CEP170: variants seen among roughly 807,000 people sequenced by gnomAD.
CEP170 encodes the protein centrosomal protein of 170 kDa.
A neutral mutation model predicts 151.9 loss-of-function variants in CEP170; 21 were observed. That is an observed-to-expected ratio of 0.14 (90% CI 0.10 to 0.20). The LOEUF is 0.20. CEP170 is among the 10% of genes least tolerant of loss of function. CEP170 has a pLI of 1.00. For missense variants in CEP170, 964 were observed against 1,892.9 expected (o/e 0.51, Z 9.11); for synonymous variants, 356 against 648.8 (o/e 0.55, Z 6.86).
At chr1:243,201,704 C>A (rs2061046515) in intron 4 of CEP170, among the ~76,000 whole-genome samples, 1 of 152,020 alleles carries the variant, frequency 6.6e-6, no homozygotes, top group South Asian at 2.1e-4. Context: ...AGTATTTATT[C>A]TAGGTTTCTA....
intron 12 of CEP170, among the ~76,000 whole-genome samples, chr1:243,168,955 C>T (rs899717655): frequency 2.0e-5 from 3 of 150,232 alleles, no homozygotes; most frequent in Non-Finnish European, 3.0e-5. Flanking sequence ...TGAATGAAAT[C>T]GTTTGGACCT....
At chr1:243,170,902 C>A (rs374446425) in intron 11 of CEP170, among the ~76,000 whole-genome samples, 13 of 152,320 alleles carry the variant, frequency 8.5e-5, no homozygotes, top group African/African-American at 3.1e-4. Context: ...CTGTTACCTG[C>A]CCACATTTCT....
At chr1:243,254,660 G>A (rs1178786991) in intron 1 of CEP170, among the ~76,000 whole-genome samples, 1 of 152,172 alleles carries the variant, frequency 6.6e-6, no homozygotes, top group Non-Finnish European at 1.5e-5. Context: ...CTCGCAAACT[G>A]CTACGGCGGA....
intron 11 of CEP170, among the ~76,000 whole-genome samples, chr1:243,170,772 T>C (rs1467020231): frequency 6.6e-6 from 1 of 152,148 alleles, no homozygotes; most frequent in African/African-American, 2.4e-5. Flanking sequence ...CCAGCCTGGG[T>C]GACAGAGGGA....
intron 1 of CEP170, among the ~76,000 whole-genome samples, chr1:243,227,070 AT>A (rs1412060138): frequency 5.9e-5 from 9 of 152,204 alleles, no homozygotes; most frequent in Non-Finnish European, 8.8e-5. Context: ...GAAAATATTG[AT>A]TTCCTGAGTA....
chr1:243,213,778 A>G (rs1047680136), intron 3 of CEP170, among the ~76,000 whole-genome samples: 2 of 152,162 alleles, frequency 1.3e-5, no homozygotes, highest in African/African-American at 4.8e-5. Context: ...GGCATGGACC[A>G]CATCTCATTC....
At chr1:243,141,232 TAC>T (rs1237663862) in intron 15 of CEP170, among the ~76,000 whole-genome samples, 3 of 151,768 alleles carry the variant, frequency 2.0e-5, no homozygotes, top group Non-Finnish European at 4.4e-5. Flanking sequence ...GAATAATCAA[TAC>T]CAGGGGCTGG....
At chr1:243,174,259 C>A (rs879805691) in intron 10 of CEP170, among the ~76,000 whole-genome samples, 5 of 151,148 alleles carry the variant, frequency 3.3e-5, no homozygotes, top group Non-Finnish European at 7.4e-5. Flanking sequence ...TATTAACATT[C>A]TATTCTGCTA....
chr1:243,247,403 G>GAGTAC (rs1252724599), intron 1 of CEP170, among the ~76,000 whole-genome samples: 1 of 152,178 alleles, frequency 6.6e-6, no homozygotes, highest in Non-Finnish European at 1.5e-5. Context: ...GCCCAGGCTG[G>GAGTAC]AGTACAGTGA....
intron 3 of CEP170, among the ~76,000 whole-genome samples, chr1:243,217,114 A>C (rs2062369030): frequency 1.3e-5 from 2 of 152,210 alleles, no homozygotes; most frequent in South Asian, 4.1e-4. Context: ...TACTATACTG[A>C]ATATTGTATG....
intron 1 of CEP170, among the ~76,000 whole-genome samples, chr1:243,237,037 G>A (rs1271577946): frequency 6.6e-6 from 1 of 152,152 alleles, no homozygotes; most frequent in African/African-American, 2.4e-5. Context: ...TGCATTATCA[G>A]TATAACATAT....
Position 243,140,025 on chromosome 1 carries a change from T to C in CEP170, c.4142A>G (p.Asn1381Ser), listed in dbSNP as rs755015868. The change falls in exon 16 of 20, where the codon AAC becomes AGC. Residue 1381 changes from asparagine to serine, a missense_variant. Physicochemically the swap from Asn to Ser is conservative, Grantham distance 46 (BLOSUM62 1). Coordinates refer to ENST00000366542, the MANE Select transcript of CEP170 (RefSeq NM_014812.3). ...LVHSKTPEGNNGRSGDPRPQA... is the reference protein window; with the variant it reads ...LVHSKTPEGNSGRSGDPRPQA... ...AGGTCTTGGATCACCAGATCGACCG[T>C]TGTTTCCTTCTGGTGTTTTGGAATG... 3.1e-6 allele frequency: 5 copies of C among 1,613,866 alleles called. No individual in the cohort carries two copies. Among genetic ancestry groups the C allele is most frequent in the Non-Finnish European group, 4.2e-6 (5 of 1,179,884 alleles).
At chr1:243,231,193 T>TCATC (rs1558660590) in intron 1 of CEP170, among the ~76,000 whole-genome samples, 22 of 82,818 alleles carry the variant, frequency 2.7e-4, no homozygotes, top group South Asian at 1.9e-3. Flanking sequence ...TCATCATCAT[T>TCATC]ATTATTATTA....
intron 1 of CEP170, among the ~76,000 whole-genome samples, chr1:243,253,827 T>C (rs1355159493): frequency 1.3e-5 from 2 of 152,222 alleles, no homozygotes; most frequent in African/African-American, 4.8e-5. Flanking sequence ...CATTTTAAAA[T>C]ATGCATTTTC....
At chr1:243,215,814 T>TAAA (rs1157765397) in intron 3 of CEP170, among the ~76,000 whole-genome samples, 2 of 152,172 alleles carry the variant, frequency 1.3e-5, no homozygotes, top group African/African-American at 2.4e-5. Flanking sequence ...AGATCACTAA[T>TAAA]AAAAACTTGC....
chr1:243,186,622 T>C (rs2059953519), intron 8 of CEP170, 200 bp from the exon 9 acceptor site: 1 of 551,716 alleles, frequency 1.8e-6, no homozygotes. Flanking sequence ...AATGAGGTCC[T>C]TTATAAACAA....
At chr1:243,213,275 C>A (rs1165902142) in intron 3 of CEP170, among the ~76,000 whole-genome samples, 2 of 152,078 alleles carry the variant, frequency 1.3e-5, no homozygotes, top group Non-Finnish European at 2.9e-5. Context: ...CTTTAGTTAT[C>A]TTACTGCAGT....
intron 12 of CEP170, among the ~76,000 whole-genome samples, chr1:243,168,649 C>CA (rs1319961060): frequency 6.6e-6 from 1 of 151,060 alleles, no homozygotes; most frequent in Non-Finnish European, 1.5e-5. Context: ...CAGCAGACCT[C>CA]AGGAAAAAAA....
chr1:243,159,209 T>TA (rs1490700239), intron 13 of CEP170, among the ~76,000 whole-genome samples: 1 of 152,132 alleles, frequency 6.6e-6, no homozygotes, highest in Non-Finnish European at 1.5e-5. Flanking sequence ...AAAATGTGAT[T>TA]AAAAATCATT....
Sources: allele counts gnomAD v4.1 joint callset (sites outside exome capture counted in the v4.1 genomes callset), GRCh38; gene constraint gnomAD v4.1.1; transcripts MANE v1.5; gene names NCBI Gene and HGNC (gene_info 2026-07-23, HGNC 2026-07-21).